Variants in PTPRD observed in about 807,000 individuals in gnomAD.
The protein encoded by PTPRD is protein tyrosine phosphatase receptor type D.
Under a neutral mutation model 214.5 loss-of-function variants are expected in PTPRD, and 34 were observed. The observed-to-expected ratio is 0.16, with a 90% confidence interval of 0.12 to 0.21. The LOEUF is 0.21. Among genes scored for constraint, PTPRD ranks in the 10% least tolerant of loss-of-function variants. The pLI, the probability that PTPRD is intolerant of heterozygous loss-of-function variation, is 1.00. For missense variants in PTPRD, 2,545 were observed against 2,398.7 expected, an observed-to-expected ratio of 1.06 and a Z score of -1.27; for synonymous variants, 1,128 against 845.7, an observed-to-expected ratio of 1.33 and a Z score of -5.79.
At position 10,233,413 on chromosome 9, in the gene PTPRD, C is replaced by T. The variant is rs536243007; in HGVS notation, c.-545+107550G>A. On this transcript the variant is annotated intron_variant, in intron 3 of 45. Coordinates refer to ENST00000381196, the MANE Select transcript of PTPRD (RefSeq NM_002839.4). ...TAAAGAGGCGGATGTTTTGAATTCTCATCCAACAATTTTTTTCATAAAAAA... is the reference window on the plus strand; with the variant it reads ...TAAAGAGGCGGATGTTTTGAATTCTTATCCAACAATTTTTTTCATAAAAAA... Among the ~76,000 whole-genome samples, 573 of 152,080 alleles carry T rather than the reference C, an allele frequency of 3.8e-3. 11 individuals are homozygous for T. The highest frequency in any genetic ancestry group is 4.6e-3 in the Non-Finnish European group (311 of 67,938).
intron 5 of PTPRD, among the ~76,000 whole-genome samples, chr9:9,807,028 G>C (rs2045668609): frequency 6.6e-6 from 1 of 152,132 alleles, no homozygotes; most frequent in Non-Finnish European, 1.5e-5. Context: ...ACAAGAGTCA[G>C]ATGGAATACT....
chr9:9,955,503 T>G (rs1422511479), intron 4 of PTPRD, among the ~76,000 whole-genome samples: 2 of 148,530 alleles, frequency 1.3e-5, no homozygotes, highest in African/African-American at 2.5e-5. Context: ...TGGGTTTTCG[T>G]TTTTTTTGTT....
At chr9:8,916,226 G>A (rs1025066278) in intron 11 of PTPRD, among the ~76,000 whole-genome samples, 1 of 152,112 alleles carries the variant, frequency 6.6e-6, no homozygotes, top group Non-Finnish European at 1.5e-5. Flanking sequence ...GTTAATGGAA[G>A]CCATCAGCAC....
chr9:10,055,709 T>C (rs916773519), intron 3 of PTPRD, among the ~76,000 whole-genome samples: 2 of 151,948 alleles, frequency 1.3e-5, no homozygotes, highest in Non-Finnish European at 2.9e-5. Flanking sequence ...ATAGGAACAA[T>C]ACCCATCTTT....
intron 10 of PTPRD, among the ~76,000 whole-genome samples, chr9:9,073,357 CTT>C (rs137868916): frequency 7.2e-4 from 110 of 152,158 alleles, no homozygotes; most frequent in South Asian, 1.2e-3. Flanking sequence ...TATGGGACTT[CTT>C]TTTTTAAAAA....
chr9:10,306,137 C>A (rs577062216), intron 3 of PTPRD, among the ~76,000 whole-genome samples: 2 of 152,014 alleles, frequency 1.3e-5, no homozygotes, highest in African/African-American at 4.8e-5. Context: ...ATGGATGAAG[C>A]TGGAAACCAT....
At chr9:8,908,485 T>G (rs575889473) in intron 11 of PTPRD, among the ~76,000 whole-genome samples, 1 of 152,212 alleles carries the variant, frequency 6.6e-6, no homozygotes, top group African/African-American at 2.4e-5. Context: ...AGCACATTTT[T>G]AAATAACCCA....
chr9:9,613,094 G>A (rs2094604403), intron 7 of PTPRD, among the ~76,000 whole-genome samples: 1 of 102,578 alleles, frequency 9.7e-6, no homozygotes, highest in Admixed American at 1.3e-4. Context: ...GCTGGTTCAG[G>A]GACCATACAT....
In PTPRD at chr9:9,029,505, A is replaced by AT. The variant is rs370726409; in HGVS notation, c.-142-10771dup. Among the ~76,000 whole-genome samples the AT allele has an allele frequency of 8.3e-4, 125 of 151,482 alleles. 1 individual carries two copies. Among genetic ancestry groups the AT allele is most frequent in the African/African-American group, 2.9e-3 (120 of 41,364 alleles). On this transcript the variant is annotated intron_variant, in intron 10 of 45. Transcript: ENST00000381196. Reference sequence around the variant, plus strand: ...TGCCTAGCTACTTGCACTAAAAAAAATTATTTTAAATTGTTCCTAGTGCCA... The same window carrying AT: ...TGCCTAGCTACTTGCACTAAAAAAAATTTATTTTAAATTGTTCCTAGTGCCA...
intron 34 of PTPRD, among the ~76,000 whole-genome samples, chr9:8,440,207 C>A (rs1341800433): frequency 6.6e-6 from 1 of 151,816 alleles, no homozygotes; most frequent in South Asian, 2.1e-4. Context: ...AGCTTTAGTA[C>A]TCAGCTATTA....
chr9:9,383,384 C>G (rs10977696), intron 9 of PTPRD, among the ~76,000 whole-genome samples: 36,321 of 151,924 alleles, frequency 0.24, 4,412 homozygotes, highest in Middle Eastern at 0.37. Context: ...TATGGACATA[C>G]AAGTTCACCA....
At chr9:8,346,497 A>T (rs1857731809) in intron 39 of PTPRD, among the ~76,000 whole-genome samples, 2 of 152,114 alleles carry the variant, frequency 1.3e-5, no homozygotes, top group South Asian at 4.1e-4. Context: ...GTTTTCAATG[A>T]CATACTTTTC....
chr9:8,930,309 G>A (rs190547704), intron 11 of PTPRD, among the ~76,000 whole-genome samples: 2 of 152,120 alleles, frequency 1.3e-5, no homozygotes, highest in East Asian at 3.9e-4. Flanking sequence ...TTTAATGGCT[G>A]CATAGTATTC....
At chr9:9,504,141 T>A (rs2096510915) in intron 8 of PTPRD, among the ~76,000 whole-genome samples, 1 of 151,710 alleles carries the variant, frequency 6.6e-6, no homozygotes, top group African/African-American at 2.4e-5. Flanking sequence ...ATTATTTGGG[T>A]TGACAGTTGA....
intron 3 of PTPRD, among the ~76,000 whole-genome samples, chr9:10,334,790 A>T (rs1263819010): frequency 1.3e-5 from 2 of 151,586 alleles, no homozygotes; most frequent in East Asian, 3.9e-4. Flanking sequence ...CACTGTCTTA[A>T]CCACCAGCAA....
intron 3 of PTPRD, among the ~76,000 whole-genome samples, chr9:10,242,640 G>A (rs1307255059): frequency 1.4e-5 from 2 of 145,272 alleles, no homozygotes; most frequent in African/African-American, 2.5e-5. Context: ...TGACTAACAT[G>A]GTGTATCTTC....
chr9:9,962,340 G>C (rs1230192743), intron 4 of PTPRD, among the ~76,000 whole-genome samples: 1 of 151,992 alleles, frequency 6.6e-6, no homozygotes, highest in East Asian at 1.9e-4. Context: ...CACAATAAAG[G>C]AAGCTAAAGG....
chr9:8,566,107 TGTGTGTG>T (rs1327682484), intron 14 of PTPRD, among the ~76,000 whole-genome samples: 1 of 102,440 alleles, frequency 9.8e-6, no homozygotes, highest in Admixed American at 9.9e-5. Context: ...AATATGTGTG[TGTGTGTG>T]TGTGTGTGTG....
chr9:8,832,241 C>A (rs538972225), intron 11 of PTPRD, among the ~76,000 whole-genome samples: 179 of 151,882 alleles, frequency 1.2e-3, no homozygotes, highest in Non-Finnish European at 1.7e-3. Flanking sequence ...TCCAGTAATC[C>A]CCAAAGCTCC....
Sources: gnomAD v4.1 joint callset for allele counts (sites outside exome capture counted in the v4.1 genomes callset) on GRCh38, gnomAD v4.1.1 for gene constraint, MANE v1.5 for transcripts, NCBI Gene and HGNC (gene_info 2026-07-23, HGNC 2026-07-21) for gene names.